The following RRAS2 variants were observed in gnomAD, a reference collection of about 807,000 sequenced individuals.
RRAS2 encodes the protein ras-related protein R-Ras2.
A neutral mutation model predicts 27.6 loss-of-function variants in RRAS2; 7 were observed. The observed-to-expected ratio is 0.25, with a 90% CI of 0.14 to 0.48. RRAS2 has a LOEUF of 0.48. Ranked by LOEUF, RRAS2 falls within the 20% of genes least tolerant of loss-of-function variation. RRAS2 has a pLI of 0.99. For synonymous variants in RRAS2, 86 were observed against 90.9 expected, an observed-to-expected ratio of 0.95 and a Z score of 0.31; for missense variants, 178 against 256.2, an observed-to-expected ratio of 0.69 and a Z score of 2.08.
At chr11:14,297,372 G>A (rs1847580185) in intron 1 of RRAS2, among the ~76,000 whole-genome samples, 1 of 152,196 alleles carries the variant, frequency 6.6e-6, no homozygotes, top group Non-Finnish European at 1.5e-5. Flanking sequence ...TCTTGAAGAG[G>A]ACAGAAAAGA....
intron 1 of RRAS2, among the ~76,000 whole-genome samples, chr11:14,309,019 T>A (rs2133980742): frequency 1.3e-5 from 2 of 152,322 alleles, no homozygotes; most frequent in Middle Eastern, 3.4e-3. Context: ...TAACTAAAAC[T>A]GAGTATTCAA....
At chr11:14,295,716 C>G in intron 2 of RRAS2, 52 bp downstream of exon 2, 1 of 1,436,982 alleles carries the variant, frequency 7.0e-7, no homozygotes, top group Admixed American at 2.0e-5. Context: ...TCAGCGCTTA[C>G]TTTTTTAAAA....
chr11:14,352,349 A>T (rs1445925946), intron 1 of RRAS2, among the ~76,000 whole-genome samples: 1 of 152,240 alleles, frequency 6.6e-6, no homozygotes, highest in African/African-American at 2.4e-5. Context: ...TATAATTTAT[A>T]AGACATCAAG....
chr11:14,346,595 GAT>G (rs1334791485), intron 1 of RRAS2, among the ~76,000 whole-genome samples: 3 of 152,108 alleles, frequency 2.0e-5, no homozygotes, highest in African/African-American at 7.2e-5. Flanking sequence ...TTTAATCTTA[GAT>G]ATGTTTTCAG....
Position 14,288,798 on chromosome 11 carries a change from G to C in RRAS2, c.408+5673C>G, listed in dbSNP as rs79761649. Among the ~76,000 whole-genome samples, 10 of 152,228 alleles carry C rather than the reference G, an allele frequency of 6.6e-5. 1 individual carries two copies. In the East Asian group the frequency reaches 1.2e-3, roughly 18 times the overall value. On this transcript the variant is annotated intron_variant, in intron 4 of 5. Coordinates refer to ENST00000256196, the MANE Select transcript of RRAS2 (RefSeq NM_012250.6). Reference sequence around the variant, plus strand: ...ATCTAGTACTACATATTTCCAAATAGAATAAACTACATTTCAGTGCTCAGA... The same window carrying C: ...ATCTAGTACTACATATTTCCAAATACAATAAACTACATTTCAGTGCTCAGA...
At chr11:14,332,995 T>G (rs1472785814) in intron 1 of RRAS2, among the ~76,000 whole-genome samples, 1 of 152,278 alleles carries the variant, frequency 6.6e-6, no homozygotes, top group East Asian at 1.9e-4. Context: ...TTTATGAAAG[T>G]ATAAAGAAAA....
upstream of RRAS2, among the ~76,000 whole-genome samples, chr11:14,363,135 A>G (rs1394556843): frequency 6.6e-6 from 1 of 152,232 alleles, no homozygotes; most frequent in Admixed American, 6.5e-5. Context: ...GTTATCTGGC[A>G]ACAACTAGCT....
chr11:14,358,858 C>T lies in RRAS2; in HGVS notation c.13G>A (p.Gly5Ser). ...TCCTGGCCGGAGCCGTCCCGCCAGC[C>T]GGCCGCGGCCATGGGGACGCTACAG... MAAA[G>S]WRDGSGQEKY... The change falls in exon 1 of 6, where the codon GGC becomes AGC. Residue 5 changes from glycine (G) to serine (S), a missense_variant. Coordinates refer to ENST00000256196, the MANE Select transcript of RRAS2 (RefSeq NM_012250.6). The surrounding 1 kb of genome is among the most constrained non-coding windows in gnomAD (Gnocchi z 5.1). The T allele has an allele frequency of 6.8e-7, 1 of 1,469,950 alleles. No homozygotes were observed. The highest frequency in any genetic ancestry group is 9.1e-7 in the Non-Finnish European group (1 of 1,103,130). The allele number at this position is 1,469,950 out of a possible 1,614,324, so 91.1% of individuals were successfully genotyped here.
intron 1 of RRAS2, among the ~76,000 whole-genome samples, chr11:14,312,834 T>C (rs1489611391): frequency 6.6e-6 from 1 of 152,170 alleles, no homozygotes; most frequent in East Asian, 1.9e-4. Context: ...TTCCTAATAA[T>C]ACGAAGAACT....
At chr11:14,348,014 C>T (rs202239430) in intron 1 of RRAS2, among the ~76,000 whole-genome samples, 1 of 152,038 alleles carries the variant, frequency 6.6e-6, no homozygotes, top group East Asian at 1.9e-4. Flanking sequence ...ACCTTACTGG[C>T]CTAACCTAAA....
intron 1 of RRAS2, among the ~76,000 whole-genome samples, chr11:14,349,356 G>C (rs1474924101): frequency 1.3e-5 from 2 of 150,102 alleles, no homozygotes; most frequent in African/African-American, 4.9e-5. Flanking sequence ...AAAGAGGGGG[G>C]TTTCACTGTG....
At chr11:14,285,278 G>C (rs1192871413) in intron 4 of RRAS2, among the ~76,000 whole-genome samples, 1 of 152,190 alleles carries the variant, frequency 6.6e-6, no homozygotes, top group African/African-American at 2.4e-5. Flanking sequence ...GCCAGGTGCA[G>C]TGGTGTATGC....
chr11:14,359,228 G>T, upstream of RRAS2: 2 of 845,004 alleles, frequency 2.4e-6, no homozygotes, highest in Non-Finnish European at 2.9e-6. Flanking sequence ...GCATGAGGGG[G>T]CGGGGAGGGG....
At chr11:14,311,985 C>T (rs782411808) in intron 1 of RRAS2, among the ~76,000 whole-genome samples, 2 of 152,132 alleles carry the variant, frequency 1.3e-5, no homozygotes, top group Non-Finnish European at 2.9e-5. Flanking sequence ...CTGCTTCAGC[C>T]TGCTGAGTAG....
intron 1 of RRAS2, among the ~76,000 whole-genome samples, chr11:14,345,131 C>A (rs970412440): frequency 6.6e-6 from 1 of 151,854 alleles, no homozygotes; most frequent in East Asian, 1.9e-4. Flanking sequence ...GGATTATTGG[C>A]GCGTGTCACT....
chr11:14,352,744 A>AATAT (rs56241114), intron 1 of RRAS2, among the ~76,000 whole-genome samples: 14 of 139,144 alleles, frequency 1.0e-4, no homozygotes, highest in South Asian at 2.4e-4. Context: ...AAACTTTTAA[A>AATAT]ATATATATAT....
chr11:14,319,698 T>C (rs1206849411), intron 1 of RRAS2, among the ~76,000 whole-genome samples: 2 of 152,168 alleles, frequency 1.3e-5, no homozygotes, highest in Non-Finnish European at 2.9e-5. Flanking sequence ...ACTGCAAGTT[T>C]ACCATACATG....
chr11:14,345,228 T>C (rs1281627554), intron 1 of RRAS2, among the ~76,000 whole-genome samples: 2 of 152,030 alleles, frequency 1.3e-5, no homozygotes, highest in East Asian at 3.9e-4. Flanking sequence ...TCAAGTGATC[T>C]GCCCTACTCA....
At chr11:14,287,701 A>C (rs1186045669) in intron 4 of RRAS2, among the ~76,000 whole-genome samples, 4 of 151,922 alleles carry the variant, frequency 2.6e-5, no homozygotes, top group East Asian at 1.9e-4. Flanking sequence ...GTGAAACCCT[A>C]TCTCTCCTAA....
Sources: gnomAD v4.1 joint callset for allele counts (sites outside exome capture counted in the v4.1 genomes callset) on GRCh38, gnomAD v4.1.1 for gene constraint, Gnocchi (gnomAD v3.1) non-coding constraint, MANE v1.5 for transcripts, NCBI Gene and HGNC (gene_info 2026-07-23, HGNC 2026-07-21) for gene names.